The following KLF8 variants were observed in gnomAD, a reference collection of about 807,000 sequenced individuals.
KLF8 encodes KLF transcription factor 8.
Under a neutral mutation model 18.2 loss-of-function variants are expected in KLF8, and 10 were observed. That is an observed-to-expected ratio of 0.55 (90% CI 0.34 to 0.93). The LOEUF (loss-of-function observed/expected upper bound fraction) is 0.93, where lower values mean the gene tolerates loss of function less well. KLF8 is among the 40% of genes least tolerant of loss of function. The pLI, the probability that KLF8 is intolerant of heterozygous loss-of-function variation, is 0.02. For missense variants in KLF8, 264 were observed against 277.9 expected, an observed-to-expected ratio of 0.95 and a Z score of 0.36; for synonymous variants, 109 against 97.3, an observed-to-expected ratio of 1.12 and a Z score of -0.71.
At chrX:56,164,570 C>G in the KLF8 span, among the ~76,000 whole-genome samples, 19 of 90,801 alleles carry the variant, frequency 2.1e-4, no homozygotes, top group African/African-American at 7.0e-4. Context: ...TCAAGAAGTA[C>G]TTTTTCCAGT....
chrX:56,142,429 A>T, the KLF8 span, among the ~76,000 whole-genome samples: 2 of 110,937 alleles, frequency 1.8e-5, no homozygotes, highest in Admixed American at 1.9e-4. Flanking sequence ...TCCATATCTC[A>T]TCCAACTCTA....
chrX:56,146,996 A>G, the KLF8 span, among the ~76,000 whole-genome samples: 1 of 112,168 alleles, frequency 8.9e-6, no homozygotes, highest in East Asian at 2.8e-4. Context: ...GGGTGAGTGT[A>G]TGACTATGGG....
the KLF8 span, among the ~76,000 whole-genome samples, chrX:56,024,561 C>T: frequency 9.0e-6 from 1 of 111,249 alleles, no homozygotes; most frequent in African/African-American, 3.3e-5. Flanking sequence ...TCTCAAAATC[C>T]GAGATCCCTG....
the KLF8 span, among the ~76,000 whole-genome samples, chrX:56,216,876 C>T: frequency 9.0e-6 from 1 of 111,261 alleles, no homozygotes; most frequent in South Asian, 3.8e-4. Context: ...TCCCTGTTAG[C>T]TTTTACTCAT....
the KLF8 span, among the ~76,000 whole-genome samples, chrX:56,031,915 G>T: frequency 2.7e-5 from 3 of 111,710 alleles, no homozygotes; most frequent in African/African-American, 9.8e-5. Context: ...GATCTAGGGG[G>T]TATGTGACAG....
the KLF8 span, among the ~76,000 whole-genome samples, chrX:55,938,127 A>G: frequency 2.7e-5 from 3 of 111,854 alleles, 1 homozygote; most frequent in East Asian, 8.4e-4. Flanking sequence ...CCAGAGAGAA[A>G]GGTCGGGTTA....
the KLF8 span, among the ~76,000 whole-genome samples, chrX:56,017,766 C>T: frequency 1.8e-5 from 2 of 111,797 alleles, no homozygotes; most frequent in African/African-American, 6.5e-5. Context: ...TTGTAAAAAA[C>T]GATGGACATA....
the KLF8 span, among the ~76,000 whole-genome samples, chrX:55,946,135 C>G: frequency 4.5e-5 from 5 of 111,609 alleles, no homozygotes; most frequent in African/African-American, 9.8e-5. Flanking sequence ...GAAAAAACTA[C>G]TTTAAAATTC....
At chrX:55,971,586 A>T in the KLF8 span, among the ~76,000 whole-genome samples, 1 of 110,974 alleles carries the variant, frequency 9.0e-6, no homozygotes, top group East Asian at 2.8e-4. Flanking sequence ...AAAAAGCTGT[A>T]CAGCAAAGGA....
chrX:56,057,037 G>A, the KLF8 span, among the ~76,000 whole-genome samples: 1 of 75,154 alleles, frequency 1.3e-5, no homozygotes. Context: ...GTGCTAACAG[G>A]GGCTTGGGGG....
At chrX:56,015,791 G>A in the KLF8 span, among the ~76,000 whole-genome samples, 1 of 111,383 alleles carries the variant, frequency 9.0e-6, no homozygotes, top group African/African-American at 3.3e-5. Context: ...GTGTAGAGAA[G>A]GAGACTAACA....
the KLF8 span, among the ~76,000 whole-genome samples, chrX:56,084,517 G>T: frequency 1.8e-5 from 2 of 111,849 alleles, no homozygotes; most frequent in Non-Finnish European, 3.8e-5. Context: ...TTAGGCTCTT[G>T]GCAATTTTAA....
chrX:56,210,304 A>G, the KLF8 span, among the ~76,000 whole-genome samples: 1 of 111,907 alleles, frequency 8.9e-6, no homozygotes, highest in Non-Finnish European at 1.9e-5. Context: ...TACTTTCACT[A>G]GATATGCTAT....
the KLF8 span, among the ~76,000 whole-genome samples, chrX:56,013,729 C>T: frequency 1.3e-4 from 14 of 111,474 alleles, no homozygotes; most frequent in South Asian, 5.3e-3. Context: ...TCTGCTGCCA[C>T]CATGTGAAGA....
chrX:56,036,892 CTTCA>C, the KLF8 span, among the ~76,000 whole-genome samples: 2 of 107,711 alleles, frequency 1.9e-5, no homozygotes, highest in African/African-American at 6.7e-5. Context: ...CTGCTACAAC[CTTCA>C]TTAAGTTTAT....
the KLF8 span, among the ~76,000 whole-genome samples, chrX:56,059,113 CT>C: frequency 2.7e-4 from 30 of 112,181 alleles, no homozygotes; most frequent in Non-Finnish European, 5.6e-4. Context: ...TGATGATGAG[CT>C]TTTTTTCATG....
At chrX:56,092,808 G>A in the KLF8 span, among the ~76,000 whole-genome samples, 2 of 108,712 alleles carry the variant, frequency 1.8e-5, no homozygotes, top group East Asian at 5.7e-4. Flanking sequence ...AAATATGCAA[G>A]ACTGTCTGAG....
the KLF8 span, among the ~76,000 whole-genome samples, chrX:56,081,829 T>G: frequency 8.9e-6 from 1 of 112,174 alleles, no homozygotes; most frequent in Non-Finnish European, 1.9e-5. Context: ...TGTTGTATAA[T>G]TCTTTTAATA....
the KLF8 span, among the ~76,000 whole-genome samples, chrX:55,959,948 A>G: frequency 3.6e-5 from 4 of 111,378 alleles, no homozygotes; most frequent in Admixed American, 9.5e-5. Flanking sequence ...TAGTCATCAG[A>G]TGCTCCAGTT....
Sources: gnomAD v4.1 joint callset for allele counts (sites outside exome capture counted in the v4.1 genomes callset) on GRCh38, gnomAD v4.1.1 for gene constraint, MANE v1.5 for transcripts, NCBI Gene and HGNC (gene_info 2026-07-23, HGNC 2026-07-21) for gene names.